Variants in CHST3 observed in about 807,000 individuals in gnomAD.
The protein encoded by CHST3 is C6ST-1.
Under a neutral mutation model 35.4 loss-of-function variants are expected in CHST3, and 20 were observed. The ratio of observed to expected loss-of-function variants is 0.57; its 90% CI spans 0.40 to 0.82. The LOEUF is 0.82. Ranked by LOEUF, CHST3 falls within the 40% of genes least tolerant of loss-of-function variation. The pLI, the probability that CHST3 is intolerant of heterozygous loss-of-function variation, is 0.00. For missense variants in CHST3, 693 were observed against 670.1 expected (o/e 1.03, Z -0.38); for synonymous variants, 334 against 295.9 (o/e 1.13, Z -1.32).
At chr10:71,991,318 T>C (rs1460305229) in intron 1 of CHST3, among the ~76,000 whole-genome samples, 1 of 152,206 alleles carries the variant, frequency 6.6e-6, no homozygotes, top group African/African-American at 2.4e-5. Context: ...CTTCGCTAAT[T>C]AAATATATGA....
chr10:71,968,819 C>T (rs1380202896), intron 1 of CHST3, among the ~76,000 whole-genome samples: 1 of 152,054 alleles, frequency 6.6e-6, no homozygotes, highest in African/African-American at 2.4e-5. Flanking sequence ...TGGGGGGGCA[C>T]ACAGGGAGAT....
intron 1 of CHST3, among the ~76,000 whole-genome samples, chr10:72,005,301 CTGTGTGTGTGTGTGTGTG>C (rs71018245): frequency 7.1e-6 from 1 of 140,108 alleles, no homozygotes; most frequent in Non-Finnish European, 1.5e-5. Context: ...GTGTGTGTGT[CTGTGTGTGTGTGTGTGTG>C]TGTTCTCATG....
intron 1 of CHST3, among the ~76,000 whole-genome samples, chr10:71,984,581 A>G (rs186489617): frequency 7.3e-4 from 111 of 152,298 alleles, no homozygotes; most frequent in African/African-American, 2.5e-3. Context: ...CAGCTTGCTC[A>G]GACACAGAGC....
intron 1 of CHST3, among the ~76,000 whole-genome samples, chr10:71,986,058 G>GT (rs1250656972): frequency 2.4e-4 from 36 of 151,838 alleles, no homozygotes; most frequent in South Asian, 1.0e-3. Flanking sequence ...TATCAGTGTT[G>GT]TTTTTTTTTA....
At chr10:72,003,280 C>T (rs538851388) in intron 1 of CHST3, among the ~76,000 whole-genome samples, 11 of 152,298 alleles carry the variant, frequency 7.2e-5, no homozygotes, top group African/African-American at 1.7e-4. Context: ...GCTTGTTCAC[C>T]GCCATATTTT....
intron 1 of CHST3, among the ~76,000 whole-genome samples, chr10:71,987,043 C>G (rs1839853021): frequency 6.6e-6 from 1 of 152,202 alleles, no homozygotes; most frequent in Admixed American, 6.5e-5. Context: ...TCAGGGCCAT[C>G]TGTCCAACGC....
At chr10:71,986,456 C>T (rs1223387892) in intron 1 of CHST3, among the ~76,000 whole-genome samples, 2 of 152,368 alleles carry the variant, frequency 1.3e-5, no homozygotes, top group East Asian at 1.9e-4. Context: ...GTGCCATCCT[C>T]CACCCATGAT....
At position 72,007,824 on chromosome 10, in the gene CHST3, C is replaced by G. The variant is rs760987231; in HGVS notation, c.793C>G (p.Arg265Gly). Reference sequence around the variant, plus strand: ...CGTGACGCTGGCCGCAGAGGCCTGCCGCCGCAAGGAGCACATGGCCCTCAA... The same window carrying G: ...CGTGACGCTGGCCGCAGAGGCCTGCGGCCGCAAGGAGCACATGGCCCTCAA... Reference protein sequence around the residue: ...LNVTLAAEACRRKEHMALKAV... With the variant: ...LNVTLAAEACGRKEHMALKAV... Residue 265 changes from arginine (R) to glycine (G), a missense_variant, in exon 3 of 3, where the codon CGC (arginine) becomes GGC (glycine). Physicochemically the swap from Arg to Gly is moderately radical, Grantham distance 125 (BLOSUM62 -2). Transcript: ENST00000373115. The G allele has an allele frequency of 2.8e-5, 45 of 1,603,730 alleles. No homozygotes were observed. Among genetic ancestry groups the G allele is most frequent in the Non-Finnish European group, 3.6e-5 (42 of 1,179,476 alleles).
chr10:71,982,718 A>G (rs562187802), intron 1 of CHST3, among the ~76,000 whole-genome samples: 46 of 152,338 alleles, frequency 3.0e-4, no homozygotes, highest in African/African-American at 1.1e-3. Context: ...CACTGCACTC[A>G]GCCTGGGCAA....
intron 1 of CHST3, among the ~76,000 whole-genome samples, chr10:72,003,459 G>C (rs993863171): frequency 6.6e-6 from 1 of 152,138 alleles, no homozygotes; most frequent in Non-Finnish European, 1.5e-5. Context: ...CAGCACTTTG[G>C]GAGGCCGAGG....
At chr10:71,983,102 T>A (rs557505202) in intron 1 of CHST3, among the ~76,000 whole-genome samples, 2 of 152,164 alleles carry the variant, frequency 1.3e-5, no homozygotes, top group East Asian at 1.9e-4. Context: ...TGGAGACCAG[T>A]TGGAAAGATA....
At chr10:71,971,850 G>T (rs551747036) in intron 1 of CHST3, among the ~76,000 whole-genome samples, 1 of 152,142 alleles carries the variant, frequency 6.6e-6, no homozygotes, top group Non-Finnish European at 1.5e-5. Context: ...AAGAGGCCCC[G>T]AGAATAGAAA....
intron 1 of CHST3, among the ~76,000 whole-genome samples, chr10:71,995,763 G>A (rs1220242634): frequency 2.6e-5 from 4 of 152,306 alleles, no homozygotes; most frequent in Non-Finnish European, 4.4e-5. Context: ...TTCTATGGGT[G>A]TGGTTTGTGG....
At chr10:71,977,108 G>A (rs1359476151) in intron 1 of CHST3, among the ~76,000 whole-genome samples, 2 of 152,196 alleles carry the variant, frequency 1.3e-5, no homozygotes, top group African/African-American at 4.8e-5. Context: ...CCCCTGCAGC[G>A]TCCAGCTCTT....
intron 1 of CHST3, among the ~76,000 whole-genome samples, chr10:71,973,073 C>T (rs1839711131): frequency 6.6e-6 from 1 of 152,220 alleles, no homozygotes; most frequent in Non-Finnish European, 1.5e-5. Flanking sequence ...GCACAGAGCC[C>T]TCAGTGGGGC....
In CHST3 at chr10:72,008,759, CAGAA is replaced by C; in HGVS notation, c.*290_*293del. On this transcript the variant is annotated 3_prime_UTR_variant, in exon 3 of 3. Transcript: ENST00000373115. ...TTGGCAAGCTTCGATCTCACACACACAGAAACATACATTCGTGCCTGGAGACCCT... is the reference window on the plus strand; with the variant it reads ...TTGGCAAGCTTCGATCTCACACACACACATACATTCGTGCCTGGAGACCCT... 1 of 382,888 alleles carries C rather than the reference CAGAA, an allele frequency of 2.6e-6. No individual in the cohort carries two copies. Among genetic ancestry groups the C allele is most frequent in the African/African-American group, 2.1e-5 (1 of 48,512 alleles). 23.7% of individuals were successfully genotyped at this position (382,888 alleles called of 1,614,324 possible).
chr10:72,001,997 C>G (rs1162532095), intron 1 of CHST3, among the ~76,000 whole-genome samples: 1 of 152,140 alleles, frequency 6.6e-6, no homozygotes, highest in Non-Finnish European at 1.5e-5. Flanking sequence ...GCTGAGTAAC[C>G]CCCATCCGGG....
intron 1 of CHST3, among the ~76,000 whole-genome samples, chr10:71,992,250 C>T (rs188723530): frequency 4.7e-4 from 72 of 152,236 alleles, no homozygotes; most frequent in Non-Finnish European, 9.0e-4. Context: ...ATGCCACAAT[C>T]ATGGCTTGCA....
At chr10:72,000,575 G>C (rs906381654) in intron 1 of CHST3, among the ~76,000 whole-genome samples, 1 of 152,194 alleles carries the variant, frequency 6.6e-6, no homozygotes, top group Non-Finnish European at 1.5e-5. Flanking sequence ...GAAGCCCCCA[G>C]GTGGGGAGTG....
Sources: gnomAD v4.1 joint callset for allele counts (sites outside exome capture counted in the v4.1 genomes callset) on GRCh38, gnomAD v4.1.1 for gene constraint, MANE v1.5 for transcripts, NCBI Gene and HGNC (gene_info 2026-07-23, HGNC 2026-07-21) for gene names.